The following UNC5C variants were observed in gnomAD, a reference collection of about 807,000 sequenced individuals.
UNC5C encodes unc-5 netrin receptor C.
UNC5C carries 47 observed loss-of-function variants against 99.8 expected under a neutral mutation model. That is an observed-to-expected ratio of 0.47 (90% CI 0.37 to 0.60). The LOEUF is 0.60. Among genes scored for constraint, UNC5C ranks in the 20% least tolerant of loss-of-function variants. UNC5C has a pLI of 0.00. For missense variants in UNC5C, 1,062 were observed against 1,165.9 expected (o/e 0.91, Z 1.30); for synonymous variants, 487 against 452.2 (o/e 1.08, Z -0.98).
intron 1 of UNC5C, among the ~76,000 whole-genome samples, chr4:95,445,976 A>G (rs13143877): frequency 6.7e-6 from 1 of 149,238 alleles, no homozygotes; most frequent in South Asian, 2.1e-4. Flanking sequence ...AAAAAACAAA[A>G]CAAAACAAAC....
chr4:95,201,771 T>A (rs1277772022), intron 12 of UNC5C, among the ~76,000 whole-genome samples: 2 of 148,262 alleles, frequency 1.3e-5, no homozygotes, highest in Non-Finnish European at 3.0e-5. Flanking sequence ...GCCCGGCTAA[T>A]TTTTTTGTAT....
At chr4:95,403,682 C>G (rs1745760064) in intron 1 of UNC5C, among the ~76,000 whole-genome samples, 1 of 152,190 alleles carries the variant, frequency 6.6e-6, no homozygotes, top group Admixed American at 6.5e-5. Flanking sequence ...TTGTCCATCT[C>G]TATCTGGCTT....
intron 12 of UNC5C, among the ~76,000 whole-genome samples, chr4:95,193,577 C>A (rs1737247062): frequency 6.6e-6 from 1 of 152,168 alleles, no homozygotes; most frequent in Non-Finnish European, 1.5e-5. Context: ...ATGGAACCTG[C>A]CTTTCTTCTG....
chr4:95,365,595 T>C (rs1407719070), intron 1 of UNC5C, among the ~76,000 whole-genome samples: 1 of 151,998 alleles, frequency 6.6e-6, no homozygotes, highest in African/African-American at 2.4e-5. Flanking sequence ...TTATTTCTAA[T>C]GGCTCAAACC....
intron 1 of UNC5C, among the ~76,000 whole-genome samples, chr4:95,468,008 G>A (rs1747842644): frequency 6.6e-6 from 1 of 152,110 alleles, no homozygotes; most frequent in African/African-American, 2.4e-5. Flanking sequence ...AGGATGAGGA[G>A]GGGTTGGTCT....
chr4:95,520,694 G>A (rs930575507), intron 1 of UNC5C, among the ~76,000 whole-genome samples: 3 of 150,032 alleles, frequency 2.0e-5, no homozygotes, highest in African/African-American at 7.4e-5. Flanking sequence ...TGCCTCCCAG[G>A]TTCACGCCAT....
At chr4:95,190,710 C>G (rs1290742628) in intron 12 of UNC5C, among the ~76,000 whole-genome samples, 1 of 151,780 alleles carries the variant, frequency 6.6e-6, no homozygotes, top group Non-Finnish European at 1.5e-5. Flanking sequence ...GTAGCCCATG[C>G]ACATCTACAC....
intron 1 of UNC5C, among the ~76,000 whole-genome samples, chr4:95,435,286 A>G (rs1166491479): frequency 2.0e-5 from 3 of 150,292 alleles, no homozygotes; most frequent in Non-Finnish European, 3.0e-5. Flanking sequence ...ATAATGGTAC[A>G]CAGAAAAATC....
intron 1 of UNC5C, among the ~76,000 whole-genome samples, chr4:95,386,543 A>C (rs1251224838): frequency 6.6e-6 from 1 of 152,216 alleles, no homozygotes; most frequent in African/African-American, 2.4e-5. Context: ...TTGTAAAGTT[A>C]AGACATGAAT....
At chr4:95,209,068 ACTC>A (rs1268431080) in intron 10 of UNC5C, among the ~76,000 whole-genome samples, 1 of 152,000 alleles carries the variant, frequency 6.6e-6, no homozygotes, top group Non-Finnish European at 1.5e-5. Context: ...AGGCCTGTCT[ACTC>A]CTCATTATAA....
At chr4:95,496,769 T>G (rs1222291669) in intron 1 of UNC5C, among the ~76,000 whole-genome samples, 1 of 151,856 alleles carries the variant, frequency 6.6e-6, no homozygotes, top group Non-Finnish European at 1.5e-5. Flanking sequence ...ATTTCTGAGA[T>G]TTTGGTGCAC....
In UNC5C at chr4:95,499,676, A is replaced by G. The variant is rs576766546; in HGVS notation, c.124+49058T>C. Reference sequence around the variant, plus strand: ...CAGGAGTCAATTACAGGAAACCTAAACCCCTTCAGTCTTCCAGGGAGACCA... The same window carrying G: ...CAGGAGTCAATTACAGGAAACCTAAGCCCCTTCAGTCTTCCAGGGAGACCA... On this transcript the variant is annotated intron_variant, in intron 1 of 15. Coordinates refer to ENST00000453304, the MANE Select transcript of UNC5C (RefSeq NM_003728.4). Among the ~76,000 whole-genome samples, 7 of 151,990 alleles carry G rather than the reference A, an allele frequency of 4.6e-5. 1 individual carries two copies. Among genetic ancestry groups the G allele is most frequent in the African/African-American group, 1.7e-4 (7 of 41,482 alleles).
intron 1 of UNC5C, among the ~76,000 whole-genome samples, chr4:95,465,725 A>C (rs1254150021): frequency 1.3e-5 from 2 of 152,150 alleles, no homozygotes; most frequent in African/African-American, 4.8e-5. Context: ...TGATGACAAA[A>C]TACACAGATG....
chr4:95,349,565 T>C (rs1337636773), intron 1 of UNC5C, among the ~76,000 whole-genome samples: 1 of 151,584 alleles, frequency 6.6e-6, no homozygotes, highest in Non-Finnish European at 1.5e-5. Flanking sequence ...TTTTTTCTGC[T>C]TTTTGAGCTT....
At chr4:95,350,739 T>A (rs926487170) in intron 1 of UNC5C, among the ~76,000 whole-genome samples, 24 of 152,190 alleles carry the variant, frequency 1.6e-4, no homozygotes, top group Non-Finnish European at 2.9e-4. Context: ...TATTACAATG[T>A]ATTTGCATGA....
intron 12 of UNC5C, among the ~76,000 whole-genome samples, chr4:95,187,931 A>T (rs1210815027): frequency 6.6e-6 from 1 of 152,222 alleles, no homozygotes. Context: ...CCATGCTTAG[A>T]GCAGAGGCTA....
chr4:95,311,646 T>A (rs1406010430), intron 2 of UNC5C, among the ~76,000 whole-genome samples: 1 of 152,206 alleles, frequency 6.6e-6, no homozygotes, highest in East Asian at 1.9e-4. Flanking sequence ...ATTATAGACC[T>A]CACTATTAGT....
intron 2 of UNC5C, among the ~76,000 whole-genome samples, chr4:95,334,459 C>G (rs4699422): frequency 0.39 from 59,370 of 151,706 alleles, 13,481 homozygotes; most frequent in East Asian, 0.83. Flanking sequence ...AGTATTAATA[C>G]TTAAATATAT....
intron 2 of UNC5C, among the ~76,000 whole-genome samples, chr4:95,316,027 T>C (rs1742463114): frequency 6.6e-6 from 1 of 152,172 alleles, no homozygotes; most frequent in Admixed American, 6.5e-5. Context: ...TATTCACTGT[T>C]GAATAAATCA....
Sources: gnomAD v4.1 joint callset for allele counts (sites outside exome capture counted in the v4.1 genomes callset) on GRCh38, gnomAD v4.1.1 for gene constraint, MANE v1.5 for transcripts, NCBI Gene and HGNC (gene_info 2026-07-23, HGNC 2026-07-21) for gene names.